RFX8: variants seen among roughly 807,000 people sequenced by gnomAD.
RFX8 encodes DNA-binding protein RFX8.
Under a neutral mutation model 54.6 loss-of-function variants are expected in RFX8, and 46 were observed. The observed-to-expected ratio is 0.84, with a 90% CI of 0.67 to 1.08. RFX8 has a LOEUF of 1.08. Among genes scored for constraint, RFX8 ranks in the 50% least tolerant of loss-of-function variants. RFX8 has a pLI of 0.00. For missense variants in RFX8, 536 were observed against 562.3 expected, an observed-to-expected ratio of 0.95 and a Z score of 0.47; for synonymous variants, 192 against 209.5, an observed-to-expected ratio of 0.92 and a Z score of 0.72.
intron 2 of RFX8, among the ~76,000 whole-genome samples, chr2:101,443,164 C>T (rs535857955): frequency 9.9e-5 from 15 of 152,194 alleles, no homozygotes; most frequent in African/African-American, 2.6e-4. Flanking sequence ...GGGTGCAGGG[C>T]GGGGGATGCA....
At chr2:101,419,085 T>G (rs1387217259) in intron 4 of RFX8, 121 bp from the exon 5 acceptor site, 1 of 617,260 alleles carries the variant, frequency 1.6e-6, no homozygotes, top group African/African-American at 1.9e-5. Flanking sequence ...CCAGTGCGTG[T>G]AAAGCTTTGC....
chr2:101,426,714 T>C (rs2104598414), intron 2 of RFX8, among the ~76,000 whole-genome samples: 1 of 152,310 alleles, frequency 6.6e-6, no homozygotes, highest in East Asian at 1.9e-4. Flanking sequence ...TTAGTGAGCA[T>C]GCACTAGGTG....
intron 9 of RFX8, among the ~76,000 whole-genome samples, chr2:101,408,682 A>C (rs141003709): frequency 6.6e-6 from 1 of 152,234 alleles, no homozygotes; most frequent in Non-Finnish European, 1.5e-5. Flanking sequence ...CAGGAGGAAT[A>C]AAAACCATAC....
At chr2:101,423,367 T>A (rs1434601083) in intron 2 of RFX8, among the ~76,000 whole-genome samples, 1 of 152,086 alleles carries the variant, frequency 6.6e-6, no homozygotes, top group Non-Finnish European at 1.5e-5. Flanking sequence ...TCACTCATGC[T>A]GCTGTCCCCT....
chr2:101,474,208 A>G, intron 1 of RFX8: 1 of 606,660 alleles, frequency 1.6e-6, no homozygotes, highest in South Asian at 1.7e-5. Context: ...TCACCACTGG[A>G]TGACGCCGCT....
At chr2:101,431,087 C>G (rs1035832411) in intron 2 of RFX8, among the ~76,000 whole-genome samples, 1 of 152,214 alleles carries the variant, frequency 6.6e-6, no homozygotes, top group African/African-American at 2.4e-5. Context: ...TATGAATACA[C>G]TGAGCTCCAT....
intron 2 of RFX8, among the ~76,000 whole-genome samples, chr2:101,457,162 G>A (rs187569522): frequency 4.3e-4 from 65 of 152,142 alleles, no homozygotes; most frequent in Non-Finnish European, 6.8e-4. Context: ...ACCAGCTCTT[G>A]GATTCATTGA....
In RFX8 at chr2:101,418,123, C is replaced by T. The variant is rs369477074; in HGVS notation, c.352-439G>A. Among the ~76,000 whole-genome samples the T allele has an allele frequency of 1.7e-4, 26 of 152,186 alleles. 2 individuals are homozygous for T. In the East Asian group the frequency reaches 4.1e-3, roughly 24 times the overall value. ...GCCAGGCTGGTCTCGAACTCCTGAC[C>T]TCGTGATCCACCCGCCTCAGCCTCC... On this transcript the variant is annotated intron_variant, in intron 5 of 11. Coordinates refer to ENST00000428343, the MANE Select transcript of RFX8 (RefSeq NM_001145664.2).
chr2:101,469,214 G>A (rs1219450559), intron 1 of RFX8, among the ~76,000 whole-genome samples: 5 of 148,370 alleles, frequency 3.4e-5, no homozygotes, highest in East Asian at 2.0e-4. Flanking sequence ...GAATGCAGTG[G>A]TGCAATCATA....
At chr2:101,448,790 T>C (rs930763724) in intron 2 of RFX8, among the ~76,000 whole-genome samples, 1 of 152,178 alleles carries the variant, frequency 6.6e-6, no homozygotes, top group Non-Finnish European at 1.5e-5. Context: ...TAGAACACCT[T>C]TGAGAGTGAA....
chr2:101,451,561 C>A (rs1437534462), intron 2 of RFX8, among the ~76,000 whole-genome samples: 1 of 151,594 alleles, frequency 6.6e-6, no homozygotes, highest in Non-Finnish European at 1.5e-5. Context: ...TGGTGGCAGG[C>A]GCCTGTAATC....
intron 2 of RFX8, among the ~76,000 whole-genome samples, chr2:101,454,148 T>C (rs868065124): frequency 2.6e-5 from 4 of 151,474 alleles, no homozygotes; most frequent in Non-Finnish European, 2.9e-5. Flanking sequence ...ACATGCAGTG[T>C]TTGGTTTTCT....
chr2:101,401,847 C>T (rs1462366045), intron 11 of RFX8, among the ~76,000 whole-genome samples: 1 of 152,164 alleles, frequency 6.6e-6, no homozygotes, highest in Non-Finnish European at 1.5e-5. Context: ...CCTCGCATTT[C>T]CTTGCTGTGT....
At chr2:101,471,929 G>A (rs564052063) in intron 1 of RFX8, among the ~76,000 whole-genome samples, 49 of 152,246 alleles carry the variant, frequency 3.2e-4, no homozygotes, top group African/African-American at 1.1e-3. Flanking sequence ...GCCCCTCCCT[G>A]GTCTTTCACT....
chr2:101,421,441 G>A, intron 4 of RFX8: 1 of 1,108,878 alleles, frequency 9.0e-7, no homozygotes, highest in Non-Finnish European at 1.1e-6. Context: ...TTCAAAATGA[G>A]CAGAATTAGG....
chr2:101,435,395 T>A (rs1352127095), intron 2 of RFX8, among the ~76,000 whole-genome samples: 1 of 152,196 alleles, frequency 6.6e-6, no homozygotes, highest in African/African-American at 2.4e-5. Context: ...AATGGCTGAT[T>A]GCAGACTTTA....
chr2:101,451,689 C>CAAAAAAAAA (rs11441528), intron 2 of RFX8, among the ~76,000 whole-genome samples: 1 of 111,626 alleles, frequency 9.0e-6, no homozygotes. Flanking sequence ...AACTCCGTCT[C>CAAAAAAAAA]AAAAAAAAAA....
intron 6 of RFX8, among the ~76,000 whole-genome samples, chr2:101,416,350 C>T (rs1686511353): frequency 6.6e-6 from 1 of 152,150 alleles, no homozygotes; most frequent in Non-Finnish European, 1.5e-5. Context: ...TGCAGCAAGT[C>T]CCAGTCTCAC....
chr2:101,419,337 C>A (rs1020869150), intron 4 of RFX8, among the ~76,000 whole-genome samples: 1 of 152,170 alleles, frequency 6.6e-6, no homozygotes, highest in Non-Finnish European at 1.5e-5. Flanking sequence ...CTGCCTCAAT[C>A]ATTTTTCAGC....
Sources: allele counts gnomAD v4.1 joint callset (sites outside exome capture counted in the v4.1 genomes callset), GRCh38; gene constraint gnomAD v4.1.1; transcripts MANE v1.5; gene names NCBI Gene and HGNC (gene_info 2026-07-23, HGNC 2026-07-21).